Variants in KCNMA1 observed in about 807,000 individuals in gnomAD.
KCNMA1 encodes Calcium-activated potassium channel subunit alpha-1.
A neutral mutation model predicts 140.0 loss-of-function variants in KCNMA1; 29 were observed. The observed-to-expected ratio is 0.21, with a 90% confidence interval of 0.15 to 0.28. The LOEUF is 0.28. Ranked by LOEUF, KCNMA1 falls within the 10% of genes least tolerant of loss-of-function variation. The pLI, the probability that KCNMA1 is intolerant of heterozygous loss-of-function variation, is 1.00. For missense variants in KCNMA1, 880 were observed against 1,602.2 expected, an observed-to-expected ratio of 0.55 and a Z score of 7.70; for synonymous variants, 612 against 611.9, an observed-to-expected ratio of 1.00 and a Z score of 0.00.
At chr10:77,300,507 A>G (rs952104279) in intron 2 of KCNMA1, among the ~76,000 whole-genome samples, 2 of 152,208 alleles carry the variant, frequency 1.3e-5, no homozygotes, top group African/African-American at 4.8e-5. Context: ...CACATTTTCC[A>G]ACATAAAATG....
intron 1 of KCNMA1, among the ~76,000 whole-genome samples, chr10:77,449,793 C>T (rs2097596247): frequency 6.6e-6 from 1 of 151,798 alleles, no homozygotes; most frequent in Non-Finnish European, 1.5e-5. Flanking sequence ...CAGGCACCCA[C>T]CACCATGCCC....
intron 24 of KCNMA1, chr10:76,914,247 G>T: frequency 1.3e-6 from 1 of 782,212 alleles, no homozygotes; most frequent in Non-Finnish European, 2.1e-6. Context: ...AGGGACCCCG[G>T]ACCACAGGTA....
intron 5 of KCNMA1, among the ~76,000 whole-genome samples, chr10:77,124,406 C>T (rs1456955467): frequency 3.9e-5 from 6 of 152,118 alleles, no homozygotes. Context: ...CCACAAGGTC[C>T]TATACTCTTG....
chr10:77,198,467 C>A (rs2041354571), intron 3 of KCNMA1, among the ~76,000 whole-genome samples: 1 of 151,786 alleles, frequency 6.6e-6, no homozygotes, highest in South Asian at 2.1e-4. Flanking sequence ...AGTGAGCTCA[C>A]CTCATACATA....
chr10:77,263,154 T>G (rs562062590), intron 2 of KCNMA1, among the ~76,000 whole-genome samples: 3 of 152,232 alleles, frequency 2.0e-5, no homozygotes, highest in Middle Eastern at 3.4e-3. Context: ...AAACTTGTAT[T>G]ACATGCAAGT....
chr10:77,562,462 A>G (rs2066709661), intron 1 of KCNMA1, among the ~76,000 whole-genome samples: 1 of 152,234 alleles, frequency 6.6e-6, no homozygotes, highest in African/African-American at 2.4e-5. Flanking sequence ...TTCATACCTT[A>G]ATAATATTGA....
At chr10:77,040,655 T>C (rs1342240591) in intron 14 of KCNMA1, among the ~76,000 whole-genome samples, 1 of 152,196 alleles carries the variant, frequency 6.6e-6, no homozygotes, top group Non-Finnish European at 1.5e-5. Flanking sequence ...GAATGATACT[T>C]TTTTTCCTCT....
At chr10:77,436,339 A>C (rs1356516110) in intron 1 of KCNMA1, among the ~76,000 whole-genome samples, 1 of 152,246 alleles carries the variant, frequency 6.6e-6, no homozygotes. Flanking sequence ...ATTGGAGTTG[A>C]CTATTTATAT....
At chr10:77,117,439 C>T (rs1330499144) in intron 6 of KCNMA1, among the ~76,000 whole-genome samples, 1 of 146,220 alleles carries the variant, frequency 6.8e-6, no homozygotes, top group African/African-American at 2.5e-5. Flanking sequence ...ATCCCAGCTA[C>T]TCGGGAGGCT....
Position 77,108,622 on chromosome 10 carries a change from A to AG in KCNMA1, c.1132-51dup. 7.2e-7 allele frequency: 1 copy of AG among 1,384,350 alleles called. No individual in the cohort carries two copies. The highest frequency in any genetic ancestry group is 1.0e-6 in the Non-Finnish European group (1 of 975,044). 85.8% of individuals were successfully genotyped at this position (1,384,350 alleles called of 1,614,324 possible). A position where few individuals can be genotyped will look rare whatever the true frequency, so the allele number is the denominator to read the frequency against. ...AGACTAAAAAGACAGGCCAAAGAAAAGGGGGGACCTGTTCAGAGGGTGGGG... is the reference window on the plus strand; with the variant it reads ...AGACTAAAAAGACAGGCCAAAGAAAAGGGGGGGACCTGTTCAGAGGGTGGGG... On this transcript the variant is annotated intron_variant, in intron 8 of 27. Coordinates refer to ENST00000286628, the MANE Select transcript of KCNMA1 (RefSeq NM_001161352.2). The surrounding 1 kb of genome is among the most constrained non-coding windows in gnomAD (Gnocchi z 4.6).
chr10:77,392,421 C>T (rs186182129), intron 2 of KCNMA1, among the ~76,000 whole-genome samples: 2 of 152,308 alleles, frequency 1.3e-5, no homozygotes, highest in African/African-American at 4.8e-5. Context: ...AATGTCTGAG[C>T]TCCCAGGCCT....
In KCNMA1 at chr10:77,081,693, GAA is replaced by G. The variant is rs201715504; in HGVS notation, c.1524-2145_1524-2144del. Reference sequence around the variant, plus strand: ...ACTTGAAGGATTTCATTTTATTTTTGAAAAAGTGTTGCGTTGGCCCACGCTTA... The same window carrying G: ...ACTTGAAGGATTTCATTTTATTTTTGAAAGTGTTGCGTTGGCCCACGCTTA... On this transcript the variant is annotated intron_variant, in intron 12 of 27. Coordinates refer to ENST00000286628, the MANE Select transcript of KCNMA1 (RefSeq NM_001161352.2). Among the ~76,000 whole-genome samples, 1,003 of 152,208 alleles carry G rather than the reference GAA, an allele frequency of 6.6e-3. 14 individuals are homozygous for G. Among genetic ancestry groups the G allele is most frequent in the African/African-American group, 0.023 (943 of 41,552 alleles).
chr10:77,163,036 CA>C (rs1187392262), intron 5 of KCNMA1, among the ~76,000 whole-genome samples: 1 of 152,152 alleles, frequency 6.6e-6, no homozygotes, highest in East Asian at 1.9e-4. Flanking sequence ...AGTAAATGCT[CA>C]AACATATGGA....
intron 1 of KCNMA1, chr10:77,636,586 G>A: frequency 1.3e-6 from 2 of 1,536,188 alleles, no homozygotes; most frequent in Non-Finnish European, 1.7e-6. Flanking sequence ...GACGGAGTGG[G>A]AGGTTACATC....
chr10:76,929,055 T>G (rs2058575664), intron 23 of KCNMA1, among the ~76,000 whole-genome samples: 1 of 152,014 alleles, frequency 6.6e-6, no homozygotes, highest in African/African-American at 2.4e-5. Flanking sequence ...CTCACAGAAA[T>G]GAGTTTTTTT....
At chr10:77,564,060 G>A (rs978549711) in intron 1 of KCNMA1, among the ~76,000 whole-genome samples, 3 of 152,244 alleles carry the variant, frequency 2.0e-5, no homozygotes, top group Non-Finnish European at 2.9e-5. Flanking sequence ...GCCAGGCAGT[G>A]TGGTATGTTC....
chr10:77,202,330 C>T lies in KCNMA1; in HGVS notation c.603-17414G>A, dbSNP rs189319758. Among the ~76,000 whole-genome samples, 257 of 152,180 alleles carry T rather than the reference C, an allele frequency of 1.7e-3. No individual in the cohort carries two copies. In the Middle Eastern group the frequency reaches 0.02, roughly 12 times the overall value. On this transcript the variant is annotated intron_variant, in intron 3 of 27. Coordinates refer to ENST00000286628, the MANE Select transcript of KCNMA1 (RefSeq NM_001161352.2). ...CTGCACAAATTCTCAGAGACAATCC[C>T]CCAAGATAATCAGCTGTCAATAAAT...
intron 19 of KCNMA1, among the ~76,000 whole-genome samples, chr10:76,994,922 G>C (rs1453389932): frequency 6.6e-6 from 1 of 152,244 alleles, no homozygotes; most frequent in African/African-American, 2.4e-5. Context: ...CACAGGTGCT[G>C]CAGACCCACT....
At chr10:77,329,992 T>A (rs2085750582) in intron 2 of KCNMA1, among the ~76,000 whole-genome samples, 1 of 152,208 alleles carries the variant, frequency 6.6e-6, no homozygotes, top group Admixed American at 6.5e-5. Flanking sequence ...ATATTATAAT[T>A]AGTTTTATTG....
Sources: gnomAD v4.1 joint callset for allele counts (sites outside exome capture counted in the v4.1 genomes callset) on GRCh38, gnomAD v4.1.1 for gene constraint, Gnocchi (gnomAD v3.1) non-coding constraint, MANE v1.5 for transcripts, NCBI Gene and HGNC (gene_info 2026-07-23, HGNC 2026-07-21) for gene names.